Variants in FAM117B observed in about 807,000 individuals in gnomAD.
FAM117B encodes family with sequence similarity 117 member B.
A neutral mutation model predicts 52.8 loss-of-function variants in FAM117B; 22 were observed. The observed-to-expected ratio is 0.42, with a 90% CI of 0.30 to 0.59. The LOEUF (loss-of-function observed/expected upper bound fraction) is 0.59. FAM117B is among the 20% of genes least tolerant of loss of function. The probability of loss-of-function intolerance (pLI) is 0.22; values close to 1 mark genes in which losing one functional copy is unlikely to be tolerated. For missense variants in FAM117B, 678 were observed against 802.6 expected (o/e 0.84, Z 1.88); for synonymous variants, 309 against 324.1 (o/e 0.95, Z 0.50).
intron 4 of FAM117B, among the ~76,000 whole-genome samples, chr2:202,738,675 G>A (rs1222409115): frequency 1.3e-5 from 2 of 152,158 alleles, no homozygotes; most frequent in East Asian, 3.9e-4. Flanking sequence ...TAGGATGTAA[G>A]TTTAGTCCTG....
chr2:202,718,550 G>A (rs556159086), intron 2 of FAM117B, among the ~76,000 whole-genome samples: 1 of 152,258 alleles, frequency 6.6e-6, no homozygotes, highest in African/African-American at 2.4e-5. Context: ...AGGGATAAAT[G>A]CCACTTCGTT....
chr2:202,686,680 G>T (rs890836482), intron 1 of FAM117B, among the ~76,000 whole-genome samples: 1 of 152,038 alleles, frequency 6.6e-6, no homozygotes, highest in African/African-American at 2.4e-5. Flanking sequence ...GGTGGCATAT[G>T]CCTGTAATCC....
At chr2:202,748,358 C>T (rs772120486) in intron 4 of FAM117B, among the ~76,000 whole-genome samples, 4 of 152,006 alleles carry the variant, frequency 2.6e-5, no homozygotes, top group African/African-American at 9.7e-5. Context: ...AATGTTTCAG[C>T]ACATTGGTCT....
intron 2 of FAM117B, among the ~76,000 whole-genome samples, chr2:202,708,774 T>A (rs1026890972): frequency 2.0e-5 from 3 of 152,054 alleles, no homozygotes; most frequent in Non-Finnish European, 4.4e-5. Context: ...CTGAATAATT[T>A]AAAAAAAATT....
chr2:202,639,614 G>A (rs1260630041), intron 1 of FAM117B, among the ~76,000 whole-genome samples: 1 of 152,168 alleles, frequency 6.6e-6, no homozygotes, highest in Non-Finnish European at 1.5e-5. Flanking sequence ...GATATACTTT[G>A]GGTAGACAGT....
intron 2 of FAM117B, among the ~76,000 whole-genome samples, chr2:202,706,409 A>G (rs958182332): frequency 1.3e-5 from 2 of 152,300 alleles, no homozygotes; most frequent in Admixed American, 1.3e-4. Context: ...TATTTTTACA[A>G]TTTATAGGTT....
intron 1 of FAM117B, among the ~76,000 whole-genome samples, chr2:202,682,688 G>T (rs1690480648): frequency 6.6e-6 from 1 of 152,194 alleles, no homozygotes; most frequent in Non-Finnish European, 1.5e-5. Flanking sequence ...TTTAAAGAGA[G>T]TGAAATATAG....
chr2:202,656,676 T>G (rs1690061538), intron 1 of FAM117B, among the ~76,000 whole-genome samples: 1 of 152,206 alleles, frequency 6.6e-6, no homozygotes, highest in Non-Finnish European at 1.5e-5. Flanking sequence ...TGTTGTTGGG[T>G]AGAGTGTTCT....
Position 202,634,972 on chromosome 2 carries a change from G to A in FAM117B, c.-216G>A, listed in dbSNP as rs1053620375. Among the ~76,000 whole-genome samples, 2 of 151,418 alleles carry A rather than the reference G, an allele frequency of 1.3e-5. No homozygotes were observed. Among genetic ancestry groups the A allele is most frequent in the African/African-American group, 4.9e-5 (2 of 40,980 alleles). On this transcript the variant is annotated 5_prime_UTR_variant, in exon 1 of 8. Transcript: ENST00000392238. ...GATCGTGGGGGGCGGGGGCAGCAGA[G>A]GAGACACTATTGTTGATGAGGAGCG...
intron 7 of FAM117B, among the ~76,000 whole-genome samples, chr2:202,763,096 G>A (rs1198723831): frequency 1.5e-5 from 2 of 130,086 alleles, no homozygotes; most frequent in Non-Finnish European, 3.1e-5. Flanking sequence ...TTTTGAGACA[G>A]AGTCTCACTC....
At chr2:202,656,935 C>T (rs1574543934) in intron 1 of FAM117B, among the ~76,000 whole-genome samples, 1 of 151,946 alleles carries the variant, frequency 6.6e-6, no homozygotes, top group African/African-American at 2.4e-5. Flanking sequence ...TTCCCTCTAT[C>T]CCTGGTAATT....
intron 4 of FAM117B, among the ~76,000 whole-genome samples, chr2:202,751,753 C>T (rs1293123703): frequency 8.8e-6 from 1 of 113,878 alleles, no homozygotes; most frequent in Non-Finnish European, 1.6e-5. Flanking sequence ...GCCTAGGAGA[C>T]AGACCGAGAC....
intron 7 of FAM117B, among the ~76,000 whole-genome samples, chr2:202,761,298 A>G (rs1279713225): frequency 1.3e-5 from 2 of 152,228 alleles, no homozygotes; most frequent in African/African-American, 4.8e-5. Flanking sequence ...ATTGTTTTTA[A>G]GAAATGACTT....
chr2:202,640,722 G>A (rs1472900619), intron 1 of FAM117B, among the ~76,000 whole-genome samples: 3 of 151,518 alleles, frequency 2.0e-5, no homozygotes, highest in African/African-American at 7.3e-5. Context: ...TAATTCTCCC[G>A]CCTTAGCTTC....
intron 2 of FAM117B, among the ~76,000 whole-genome samples, chr2:202,712,715 T>TA (rs1479902382): frequency 6.6e-6 from 1 of 152,150 alleles, no homozygotes; most frequent in African/African-American, 2.4e-5. Context: ...TATGTGGAGA[T>TA]ATGTTCCTTC....
chr2:202,739,872 TTTAAAA>T (rs1242771534), intron 4 of FAM117B, among the ~76,000 whole-genome samples: 1 of 151,888 alleles, frequency 6.6e-6, no homozygotes, highest in African/African-American at 2.4e-5. Flanking sequence ...AGACAGCAAA[TTTAAAA>T]TTAAGTATTT....
rs1329529199 is a variant in FAM117B at position 202,668,839 on chromosome 2, C to T, written c.602-27042C>T. ...AATGAGAATACTCAGTCCAAGAGAACTAAGTAATTTAATGTTTCAGAGAAT... is the reference window on the plus strand; with the variant it reads ...AATGAGAATACTCAGTCCAAGAGAATTAAGTAATTTAATGTTTCAGAGAAT... On this transcript the variant is annotated intron_variant, in intron 1 of 7. Transcript: ENST00000392238. Among the ~76,000 whole-genome samples, 9 of 152,122 alleles carry T rather than the reference C, an allele frequency of 5.9e-5. No homozygotes were observed. In the East Asian group the frequency reaches 1.7e-3, roughly 29 times the overall value.
chr2:202,747,832 A>G (rs887106781), intron 4 of FAM117B, among the ~76,000 whole-genome samples: 1 of 152,182 alleles, frequency 6.6e-6, no homozygotes, highest in Non-Finnish European at 1.5e-5. Flanking sequence ...AAGATATCCT[A>G]TGTTCATAGG....
intron 4 of FAM117B, among the ~76,000 whole-genome samples, chr2:202,748,810 CA>C (rs1468137927): frequency 5.9e-5 from 9 of 151,956 alleles, no homozygotes; most frequent in Admixed American, 5.9e-4. Flanking sequence ...ATCAAAAAGA[CA>C]AAAATTAACA....
Sources: allele counts gnomAD v4.1 joint callset (sites outside exome capture counted in the v4.1 genomes callset), GRCh38; gene constraint gnomAD v4.1.1; transcripts MANE v1.5; gene names NCBI Gene and HGNC (gene_info 2026-07-23, HGNC 2026-07-21).